Variants in TMEM45A observed in about 807,000 individuals in gnomAD.
TMEM45A encodes the protein DNA polymerase-transactivated protein 4.
TMEM45A carries 25 observed loss-of-function variants against 32.0 expected under a neutral mutation model. The observed-to-expected ratio is 0.78, with a 90% CI of 0.57 to 1.09. The LOEUF (loss-of-function observed/expected upper bound fraction) is 1.09. TMEM45A is among the 50% of genes least tolerant of loss of function. The probability of loss-of-function intolerance (pLI) is 0.00; values close to 1 mark genes in which losing one functional copy is unlikely to be tolerated. For missense variants in TMEM45A, 302 were observed against 325.0 expected, an observed-to-expected ratio of 0.93 and a Z score of 0.54; for synonymous variants, 122 against 114.8, an observed-to-expected ratio of 1.06 and a Z score of -0.40.
At chr3:100,523,692 TCTCCTTCTC>T (rs1310617443) in intron 1 of TMEM45A, among the ~76,000 whole-genome samples, 4 of 69,488 alleles carry the variant, frequency 5.8e-5, no homozygotes, top group South Asian at 5.3e-4. Context: ...TTCTCCTCCT[TCTCCTTCTC>T]CTCCTCCTCC....
intron 4 of TMEM45A, among the ~76,000 whole-genome samples, chr3:100,564,498 C>T (rs2148990594): frequency 6.8e-6 from 1 of 146,744 alleles, no homozygotes; most frequent in South Asian, 2.1e-4. Flanking sequence ...TCCTTTGAGA[C>T]AGAGTCTCAC....
rs755848570 is a variant in TMEM45A at position 100,492,755 on chromosome 3, T to TCCCCCCC, written c.-175_-174insCCCCCCC. 310 of 143,412 alleles carry TCCCCCCC rather than the reference T, an allele frequency of 2.2e-3. No homozygotes were observed. The highest frequency in any genetic ancestry group is 3.5e-3 in the African/African-American group (128 of 36,802). 8.9% of individuals were successfully genotyped at this position (143,412 alleles called of 1,614,324 possible). A position where few individuals can be genotyped will look rare whatever the true frequency, so the allele number is the denominator to read the frequency against. On this transcript the variant is annotated 5_prime_UTR_variant, in exon 1 of 6. Transcript: ENST00000323523. ...CGACTAGGGACCCAAGTTTAAAAAT[T>TCCCCCCC]CCTCCCCCCACCCAATGCGAGACGT...
intron 1 of TMEM45A, among the ~76,000 whole-genome samples, chr3:100,539,289 T>G (rs1246035815): frequency 6.6e-6 from 1 of 151,960 alleles, no homozygotes; most frequent in Non-Finnish European, 1.5e-5. Context: ...GCCCAGAAAT[T>G]TACCCACATA....
chr3:100,575,677 C>A (rs1204268406), intron 5 of TMEM45A, among the ~76,000 whole-genome samples: 3 of 152,082 alleles, frequency 2.0e-5, no homozygotes, highest in Non-Finnish European at 4.4e-5. Flanking sequence ...AGCCCAGATT[C>A]TCTTAAACTA....
intron 4 of TMEM45A, among the ~76,000 whole-genome samples, 166 bp from the exon 5 acceptor site, chr3:100,568,656 T>TAGAGAG (rs1243716418): frequency 3.9e-5 from 6 of 152,214 alleles, no homozygotes; most frequent in Admixed American, 6.5e-5. Context: ...TATTAGAGAC[T>TAGAGAG]CTCTATATTA....
intron 1 of TMEM45A, among the ~76,000 whole-genome samples, chr3:100,518,689 C>T (rs1379012529): frequency 1.3e-5 from 2 of 152,116 alleles, no homozygotes; most frequent in East Asian, 1.9e-4. Context: ...ATTCCTGAGT[C>T]GTATTTGTGT....
chr3:100,567,441 T>A (rs1706464742), intron 4 of TMEM45A, among the ~76,000 whole-genome samples: 1 of 150,032 alleles, frequency 6.7e-6, no homozygotes, highest in Non-Finnish European at 1.5e-5. Context: ...TCCAGCTTTC[T>A]TTTTTAAGGT....
At chr3:100,542,088 A>G (rs990814343) in intron 1 of TMEM45A, among the ~76,000 whole-genome samples, 1 of 152,110 alleles carries the variant, frequency 6.6e-6, no homozygotes. Flanking sequence ...AGATAATGTG[A>G]TGTCTCTGGC....
At chr3:100,497,627 A>G (rs1160940585) in intron 1 of TMEM45A, among the ~76,000 whole-genome samples, 1 of 152,176 alleles carries the variant, frequency 6.6e-6, no homozygotes, top group African/African-American at 2.4e-5. Context: ...TGACTATTCT[A>G]GGTACCTCAT....
At chr3:100,500,634 G>A (rs577876201) in intron 1 of TMEM45A, among the ~76,000 whole-genome samples, 4 of 152,120 alleles carry the variant, frequency 2.6e-5, no homozygotes, top group South Asian at 4.1e-4. Context: ...ATCCTTTCCC[G>A]CATCCACCCA....
At chr3:100,514,674 T>C (rs1708229836) in intron 1 of TMEM45A, among the ~76,000 whole-genome samples, 2 of 152,046 alleles carry the variant, frequency 1.3e-5, no homozygotes, top group Non-Finnish European at 2.9e-5. Flanking sequence ...CAAACTACCA[T>C]CAGAGTGAAC....
At chr3:100,532,683 C>T (rs373479780) in intron 1 of TMEM45A, among the ~76,000 whole-genome samples, 1 of 152,074 alleles carries the variant, frequency 6.6e-6, no homozygotes, top group Non-Finnish European at 1.5e-5. Context: ...GTTTTTGAGG[C>T]ATGGAGATGA....
In TMEM45A at chr3:100,546,552, G is replaced by T. The variant is rs533399714; in HGVS notation, c.-3-8657G>T. 3.2e-4 allele frequency among the ~76,000 whole-genome samples: 49 copies of T among 152,306 alleles called. 1 individual carries two copies. The East Asian group carries it at 4.0e-3, about 13-fold the overall frequency. On this transcript the variant is annotated intron_variant, in intron 1 of 5. Transcript: ENST00000323523. ...GTGTGATGCTTATCACTAGCATCTAGACCTTTGTCAATCCATGACAAATGA... is the reference window on the plus strand; with the variant it reads ...GTGTGATGCTTATCACTAGCATCTATACCTTTGTCAATCCATGACAAATGA...
At chr3:100,564,627 C>G (rs762290983) in intron 4 of TMEM45A, among the ~76,000 whole-genome samples, 9 of 152,122 alleles carry the variant, frequency 5.9e-5, no homozygotes, top group Non-Finnish European at 1.3e-4. Context: ...GGATTATAGG[C>G]ACATGCCACC....
rs534573567 is a variant in TMEM45A, at chr3:100,542,286, C to T, written c.-3-12923C>T. On this transcript the variant is annotated intron_variant, in intron 1 of 5. Transcript: ENST00000323523. Reference sequence around the variant, plus strand: ...GATATTGATTCTTCCAATCTATGAACGTGGAATGTTTTTCCATTTGTTTAT... The same window carrying T: ...GATATTGATTCTTCCAATCTATGAATGTGGAATGTTTTTCCATTTGTTTAT... 8.5e-5 allele frequency among the ~76,000 whole-genome samples: 13 copies of T among 152,184 alleles called. No homozygotes were observed. In the Middle Eastern group the frequency reaches 0.014, roughly 159 times the overall value.
chr3:100,519,650 T>G, intron 1 of TMEM45A: 2 of 1,541,504 alleles, frequency 1.3e-6, no homozygotes, highest in Non-Finnish European at 1.8e-6. Context: ...TGTGATAATG[T>G]GAAAAGAGCA....
intron 1 of TMEM45A, among the ~76,000 whole-genome samples, chr3:100,519,922 A>G (rs1055370928): frequency 5.9e-5 from 9 of 152,156 alleles, no homozygotes; most frequent in African/African-American, 2.2e-4. Flanking sequence ...GCCTTCAGGA[A>G]TCTGGCAGCT....
intron 4 of TMEM45A, among the ~76,000 whole-genome samples, chr3:100,566,178 A>G (rs935109958): frequency 6.6e-6 from 1 of 152,070 alleles, no homozygotes; most frequent in Non-Finnish European, 1.5e-5. Context: ...GTTTTTGAAT[A>G]TTTGGGTTGT....
At chr3:100,511,142 G>A (rs1428152827) in intron 1 of TMEM45A, among the ~76,000 whole-genome samples, 5 of 151,754 alleles carry the variant, frequency 3.3e-5, no homozygotes, top group Non-Finnish European at 5.9e-5. Flanking sequence ...GATACTCCTC[G>A]AGAAGAGCAA....
Sources: allele counts gnomAD v4.1 joint callset (sites outside exome capture counted in the v4.1 genomes callset), GRCh38; gene constraint gnomAD v4.1.1; transcripts MANE v1.5; gene names NCBI Gene and HGNC (gene_info 2026-07-23, HGNC 2026-07-21).